The following KAT2B variants were observed in gnomAD, a reference collection of about 807,000 sequenced individuals.
The protein encoded by KAT2B is histone acetyltransferase KAT2B.
Under a neutral mutation model 105.9 loss-of-function variants are expected in KAT2B, and 36 were observed. The ratio of observed to expected loss-of-function variants is 0.34; its 90% CI spans 0.26 to 0.45. KAT2B has a LOEUF of 0.45. Ranked by LOEUF, KAT2B falls within the 20% of genes least tolerant of loss-of-function variation. The pLI is 1.00. For synonymous variants in KAT2B, 397 were observed against 377.9 expected (o/e 1.05, Z -0.59); for missense variants, 820 against 1,021.6 (o/e 0.80, Z 2.69).
intron 2 of KAT2B, among the ~76,000 whole-genome samples, chr3:20,079,153 G>C (rs1203600595): frequency 6.7e-6 from 1 of 149,284 alleles, no homozygotes; most frequent in African/African-American, 2.5e-5. Context: ...CACCCGCCTC[G>C]GCCTCTCAAA....
At position 20,076,537 on chromosome 3, in the gene KAT2B, A is replaced by C. The variant is rs371856560; in HGVS notation, c.430+4078A>C. Among the ~76,000 whole-genome samples, 66 of 152,276 alleles carry C rather than the reference A, an allele frequency of 4.3e-4. 1 individual carries two copies. The South Asian group carries it at 0.013, about 30-fold the overall frequency. On this transcript the variant is annotated intron_variant, in intron 2 of 17. Transcript: ENST00000263754. The stretch of plus-strand genomic sequence containing the variant: ...CTCCCTCCTTTCCGTGCTTTTTGAA[A>C]AACTTTTTTTCTTAATGGAAAGTTT...
At chr3:20,128,095 G>A (rs1463281486) in intron 11 of KAT2B, among the ~76,000 whole-genome samples, 1 of 152,200 alleles carries the variant, frequency 6.6e-6, no homozygotes, top group African/African-American at 2.4e-5. Context: ...AACAAGTAGG[G>A]TTGTACCAAG....
At chr3:20,145,626 T>G in intron 13 of KAT2B, among the ~76,000 whole-genome samples, 1 of 148,890 alleles carries the variant, frequency 6.7e-6, no homozygotes, top group East Asian at 2.0e-4. Flanking sequence ...CCTCAGCATA[T>G]TAATAATTAT....
intron 11 of KAT2B, among the ~76,000 whole-genome samples, chr3:20,136,166 T>C (rs1699595990): frequency 1.3e-5 from 2 of 152,196 alleles, no homozygotes; most frequent in South Asian, 4.1e-4. Context: ...TGCAGAAAAT[T>C]TATGTGAAGA....
chr3:20,077,074 C>T (rs1698433094), intron 2 of KAT2B, among the ~76,000 whole-genome samples: 1 of 152,186 alleles, frequency 6.6e-6, no homozygotes, highest in African/African-American at 2.4e-5. Context: ...TCCCAGACAT[C>T]TTTGGTCTAC....
intron 2 of KAT2B, among the ~76,000 whole-genome samples, chr3:20,082,800 A>G (rs1211843349): frequency 6.6e-6 from 1 of 152,184 alleles, no homozygotes; most frequent in Non-Finnish European, 1.5e-5. Flanking sequence ...CCAAATACGT[A>G]AGCATTTGCA....
At chr3:20,109,329 G>A (rs1238245511) in intron 5 of KAT2B, among the ~76,000 whole-genome samples, 3 of 152,026 alleles carry the variant, frequency 2.0e-5, no homozygotes, top group African/African-American at 7.3e-5. Flanking sequence ...TAGATAGCAT[G>A]TCAGTGTCTC....
chr3:20,145,554 GTTTTTTTTTTT>G (rs550166293), intron 13 of KAT2B, among the ~76,000 whole-genome samples: 1 of 92,084 alleles, frequency 1.1e-5, no homozygotes, highest in South Asian at 3.6e-4. Context: ...GATTTTTTTA[GTTTTTTTTTTT>G]TTTTTTTTTT....
Position 20,136,368 on chromosome 3 carries a change from C to T in KAT2B, c.1750-574C>T, listed in dbSNP as rs75350343. ...ACTTTCTAATGTCTTCTGGCTGATT[C>T]AGAGATTCTGGGCTTCTCAGACCTT... On this transcript the variant is annotated intron_variant, in intron 11 of 17. Coordinates refer to ENST00000263754, the MANE Select transcript of KAT2B (RefSeq NM_003884.5). 2.8e-3 allele frequency among the ~76,000 whole-genome samples: 430 copies of T among 152,254 alleles called. 2 individuals are homozygous for T. The highest frequency in any genetic ancestry group is 9.8e-3 in the African/African-American group (408 of 41,532).
chr3:20,103,603 C>T (rs759302009), intron 5 of KAT2B, among the ~76,000 whole-genome samples: 1 of 151,872 alleles, frequency 6.6e-6, no homozygotes, highest in Admixed American at 6.6e-5. Flanking sequence ...GAGATGGGGT[C>T]TCGCTGTGTT....
chr3:20,072,491 C>T (rs756102146), intron 2 of KAT2B, 32 bp downstream of exon 2: 21 of 1,605,710 alleles, frequency 1.3e-5, no homozygotes, highest in African/African-American at 2.7e-5. Context: ...GAAAGTATAA[C>T]GAGTTCATTG....
chr3:20,104,412 A>C (rs1177504227), intron 5 of KAT2B, among the ~76,000 whole-genome samples: 1 of 152,146 alleles, frequency 6.6e-6, no homozygotes, highest in African/African-American at 2.4e-5. Context: ...GGAAGTAGAG[A>C]GGAACAACCT....
In KAT2B at chr3:20,040,653, C is replaced by A. The variant is rs1212865079; in HGVS notation, c.176C>A (p.Ala59Asp). The change falls in exon 1 of 18, where the codon GCT becomes GAT. Residue 59 changes from alanine (A) to aspartate (D), a missense_variant. Coordinates refer to ENST00000263754, the MANE Select transcript of KAT2B (RefSeq NM_003884.5). Reference protein sequence around the residue: ...SGACGPATAVAAAGTAEGPGG... With the variant: ...SGACGPATAVDAAGTAEGPGG... The stretch of plus-strand genomic sequence containing the variant: ...GCCTGCGGTCCGGCGACGGCAGTGG[C>A]TGCAGCGGGCACGGCCGAAGGACCG... The A allele has an allele frequency of 3.3e-6, 5 of 1,496,530 alleles. No individual in the cohort carries two copies. 92.7% of individuals were successfully genotyped at this position (1,496,530 alleles called of 1,614,324 possible). A position where few individuals can be genotyped will look rare whatever the true frequency, so the allele number is the denominator to read the frequency against.
At chr3:20,122,841 C>G (rs1394219957) in intron 9 of KAT2B, 37 bp downstream of exon 9, 2 of 1,579,414 alleles carry the variant, frequency 1.3e-6, no homozygotes, top group African/African-American at 2.7e-5. Context: ...GCTGGTAGAC[C>G]TCTTCTGCTC....
At chr3:20,085,284 G>T (rs899488327) in intron 2 of KAT2B, among the ~76,000 whole-genome samples, 1 of 152,152 alleles carries the variant, frequency 6.6e-6, no homozygotes, top group East Asian at 1.9e-4. Flanking sequence ...CTAATTGTCT[G>T]CAGAATGAGG....
chr3:20,062,141 AAT>A (rs1257077245), intron 1 of KAT2B, among the ~76,000 whole-genome samples: 1 of 92,664 alleles, frequency 1.1e-5, no homozygotes, highest in Admixed American at 1.8e-4. Flanking sequence ...TAAAATATAT[AAT>A]ATATAAAAAT....
intron 1 of KAT2B, among the ~76,000 whole-genome samples, chr3:20,065,057 T>G (rs572825569): frequency 6.6e-6 from 1 of 152,324 alleles, no homozygotes; most frequent in Admixed American, 6.5e-5. Flanking sequence ...TTCTTTCTCA[T>G]CATCCATCCT....
At chr3:20,123,839 C>G (rs1699353614) in intron 9 of KAT2B, among the ~76,000 whole-genome samples, 1 of 152,104 alleles carries the variant, frequency 6.6e-6, no homozygotes, top group Admixed American at 6.6e-5. Flanking sequence ...GGATTAGATT[C>G]AAGTAAGGCA....
chr3:20,061,789 AATATATT>A (rs1160873672), intron 1 of KAT2B, among the ~76,000 whole-genome samples: 29 of 134,744 alleles, frequency 2.2e-4, no homozygotes, highest in African/African-American at 6.0e-4. Context: ...TAATACATAA[AATATATT>A]ATATATTATA....
Sources: allele counts gnomAD v4.1 joint callset (sites outside exome capture counted in the v4.1 genomes callset), GRCh38; gene constraint gnomAD v4.1.1; transcripts MANE v1.5; gene names NCBI Gene and HGNC (gene_info 2026-07-23, HGNC 2026-07-21).